The following ETS1 variants were observed in gnomAD, a reference collection of about 807,000 sequenced individuals.
ETS1 encodes ETS proto-oncogene 1, transcription factor.
ETS1 carries 15 observed loss-of-function variants against 58.6 expected under a neutral mutation model. The ratio of observed to expected loss-of-function variants is 0.26; its 90% CI spans 0.17 to 0.39. ETS1 has a LOEUF of 0.39. ETS1 is among the 10% of genes least tolerant of loss of function. The pLI, the probability that ETS1 is intolerant of heterozygous loss-of-function variation, is 1.00. For missense variants in ETS1, 417 were observed against 610.5 expected (o/e 0.68, Z 3.34); for synonymous variants, 214 against 218.2 (o/e 0.98, Z 0.17).
intron 3 of ETS1, among the ~76,000 whole-genome samples, chr11:128,506,503 A>G (rs528936491): frequency 5.3e-5 from 8 of 152,144 alleles, no homozygotes; most frequent in Non-Finnish European, 1.2e-4. Flanking sequence ...TTTGCAATGC[A>G]GAGTGAGTGA....
chr11:128,488,199 G>T (rs35394161), intron 5 of ETS1, among the ~76,000 whole-genome samples: 1 of 152,236 alleles, frequency 6.6e-6, no homozygotes, highest in African/African-American at 2.4e-5. Flanking sequence ...TGTGCATGGA[G>T]AACATGCCGG....
At chr11:128,504,345 G>A (rs779681579) in intron 3 of ETS1, among the ~76,000 whole-genome samples, 2 of 151,986 alleles carry the variant, frequency 1.3e-5, no homozygotes, top group Admixed American at 6.5e-5. Flanking sequence ...CCTCTATCCC[G>A]CCCTCACTAT....
intron 2 of ETS1, 91 bp downstream of exon 2, chr11:128,572,971 C>T (rs1369641496): frequency 1.0e-6 from 1 of 989,294 alleles, no homozygotes; most frequent in South Asian, 1.4e-5. Context: ...TTCCTGGCTT[C>T]TCTGTCTACT....
chr11:128,511,120 T>C (rs949962790), intron 3 of ETS1, among the ~76,000 whole-genome samples: 4 of 152,166 alleles, frequency 2.6e-5, no homozygotes, highest in Non-Finnish European at 5.9e-5. Context: ...CAGCTTAAGA[T>C]TCAACAATTT....
Position 128,463,542 on chromosome 11 carries a change from A to G in ETS1, c.1209T>C (p.Asp403=). 6.2e-7 allele frequency: 1 copy of G among 1,611,558 alleles called. No individual in the cohort carries two copies. Among genetic ancestry groups the G allele is most frequent in the Admixed American group, 1.7e-5 (1 of 60,020 alleles). The change falls in exon 9 of 10, where the codon GAT becomes GAC. Residue 403 remains aspartate, a synonymous_variant. Transcript: ENST00000392668. This position sits in a 1 kb window ranked among gnomAD's most constrained non-coding sequence, Gnocchi z 4.1. The stretch of plus-strand genomic sequence containing the variant: ...GGTCAGAAAGTTTGAATTCCCAGCC[A>G]TCTCCTGTCCAGCTGATAAAAGACT... ...SCQSFISWTG[D]GWEFKLSDPD...
intron 3 of ETS1, among the ~76,000 whole-genome samples, chr11:128,521,752 C>T (rs1863676541): frequency 2.6e-5 from 4 of 152,230 alleles, no homozygotes; most frequent in Non-Finnish European, 5.9e-5. Context: ...CCTCCTCCTC[C>T]TCCTTCTCCT....
At chr11:128,571,522 A>ACTTC (rs1565414994) in intron 2 of ETS1, among the ~76,000 whole-genome samples, 2 of 139,786 alleles carry the variant, frequency 1.4e-5, no homozygotes, top group African/African-American at 6.0e-5. Flanking sequence ...AAAAAAAAAA[A>ACTTC]AAAAAAAAAA....
intron 3 of ETS1, among the ~76,000 whole-genome samples, chr11:128,545,203 A>G (rs573719413): frequency 2.6e-5 from 4 of 152,182 alleles, no homozygotes; most frequent in Non-Finnish European, 5.9e-5. Flanking sequence ...AACCACAGAG[A>G]AGATATAAAA....
intron 3 of ETS1, among the ~76,000 whole-genome samples, chr11:128,503,073 C>T (rs1475714975): frequency 6.6e-6 from 1 of 152,234 alleles, no homozygotes; most frequent in Non-Finnish European, 1.5e-5. Flanking sequence ...GCAGTAACTT[C>T]AGATTTCCAC....
chr11:128,566,161 G>C (rs1864490931), intron 2 of ETS1, among the ~76,000 whole-genome samples: 1 of 152,166 alleles, frequency 6.6e-6, no homozygotes, highest in Non-Finnish European at 1.5e-5. Flanking sequence ...AAACAAGGAG[G>C]TTTCCCAATG....
chr11:128,549,768 C>A lies in ETS1; in HGVS notation c.214+6523G>T, dbSNP rs977281425. On this transcript the variant is annotated intron_variant, in intron 3 of 9. Coordinates refer to ENST00000392668, the MANE Select transcript of ETS1 (RefSeq NM_001143820.2). This position sits in a 1 kb window ranked among gnomAD's most constrained non-coding sequence, Gnocchi z 4.3. ...CCTCCTTCCTCGGGGCTGTTGGGGT[C>A]ACTCCTGAGAGCATGGGGTCTCTGG... Among the ~76,000 whole-genome samples, 1 of 152,184 alleles carries A rather than the reference C, an allele frequency of 6.6e-6. No individual in the cohort carries two copies. The highest frequency in any genetic ancestry group is 2.4e-5 in the African/African-American group (1 of 41,428).
At chr11:128,482,934 T>C (rs188988277) in intron 7 of ETS1, among the ~76,000 whole-genome samples, 1 of 152,234 alleles carries the variant, frequency 6.6e-6, no homozygotes, top group Non-Finnish European at 1.5e-5. Flanking sequence ...CCCAAATAAG[T>C]GGGGCATAGA....
At chr11:128,499,018 C>T (rs1863015871) in intron 3 of ETS1, among the ~76,000 whole-genome samples, 1 of 152,176 alleles carries the variant, frequency 6.6e-6, no homozygotes, top group Admixed American at 6.5e-5. Context: ...TCTTTCGTCT[C>T]CATGGCTTTG....
chr11:128,571,503 A>AGCCTGGGCG (rs1258336405), intron 2 of ETS1, among the ~76,000 whole-genome samples: 42 of 3,618 alleles, frequency 0.012, 8 homozygotes, highest in African/African-American at 0.053. Context: ...GACTCCGTCA[A>AGCCTGGGCG]AAAAAAAAAA....
intron 3 of ETS1, among the ~76,000 whole-genome samples, chr11:128,506,520 G>A (rs549285198): frequency 6.6e-6 from 1 of 152,138 alleles, no homozygotes; most frequent in Non-Finnish European, 1.5e-5. Context: ...GTGAACTAGC[G>A]GGGTCCAGAA....
At chr11:128,506,581 G>C (rs56086356) in intron 3 of ETS1, among the ~76,000 whole-genome samples, 21,289 of 152,204 alleles carry the variant, frequency 0.14, 1,685 homozygotes, top group South Asian at 0.23. Context: ...CCTGGGTGTA[G>C]GGCGTGAGGG....
chr11:128,553,374 T>A (rs1864262693), intron 3 of ETS1, among the ~76,000 whole-genome samples: 1 of 152,218 alleles, frequency 6.6e-6, no homozygotes, highest in Non-Finnish European at 1.5e-5. Flanking sequence ...CATCTATTTT[T>A]CTCTTTCATG....
chr11:128,502,442 T>A (rs1028514494), intron 3 of ETS1, among the ~76,000 whole-genome samples: 4 of 151,970 alleles, frequency 2.6e-5, no homozygotes, highest in African/African-American at 9.7e-5. Context: ...TCGATGGAGG[T>A]CAACTCTATG....
intron 3 of ETS1, among the ~76,000 whole-genome samples, chr11:128,541,669 A>G (rs1024372714): frequency 5.3e-5 from 8 of 152,172 alleles, no homozygotes; most frequent in Non-Finnish European, 7.3e-5. Flanking sequence ...AGTACCCACA[A>G]TGATCCTGAC....
Sources: allele counts gnomAD v4.1 joint callset (sites outside exome capture counted in the v4.1 genomes callset), GRCh38; gene constraint gnomAD v4.1.1; non-coding constraint Gnocchi (gnomAD v3.1); transcripts MANE v1.5; gene names NCBI Gene and HGNC (gene_info 2026-07-23, HGNC 2026-07-21).